USH2A: variants seen among roughly 807,000 people sequenced by gnomAD.
USH2A encodes the protein usherin.
A neutral mutation model predicts 538.9 loss-of-function variants in USH2A; 443 were observed. The observed-to-expected ratio is 0.82, with a 90% CI of 0.76 to 0.89. USH2A has a LOEUF of 0.89. Ranked by LOEUF, USH2A falls within the 40% of genes least tolerant of loss-of-function variation. The pLI, the probability that USH2A is intolerant of heterozygous loss-of-function variation, is 0.00. For synonymous variants in USH2A, 2,413 were observed against 2,273.5 expected, an observed-to-expected ratio of 1.06 and a Z score of -1.75; for missense variants, 6,633 against 6,324.8, an observed-to-expected ratio of 1.05 and a Z score of -1.65.
intron 64 of USH2A, among the ~76,000 whole-genome samples, chr1:215,663,944 T>G (rs534580520): frequency 6.6e-6 from 1 of 152,218 alleles, no homozygotes; most frequent in East Asian, 1.9e-4. Context: ...GGTGAAAGTG[T>G]GCAGAATGAA....
intron 15 of USH2A, among the ~76,000 whole-genome samples, chr1:216,211,312 T>G (rs1009860528): frequency 6.6e-6 from 1 of 152,172 alleles, no homozygotes; most frequent in Non-Finnish European, 1.5e-5. Flanking sequence ...TGATTGGTGT[T>G]AGAAGTTGGG....
At chr1:215,885,991 G>A (rs935579532) in intron 41 of USH2A, among the ~76,000 whole-genome samples, 12 of 152,156 alleles carry the variant, frequency 7.9e-5, no homozygotes, top group East Asian at 3.9e-4. Context: ...AAATGTAATC[G>A]CCATGAGCCT....
chr1:215,953,900 A>G (rs1305754611), intron 37 of USH2A, among the ~76,000 whole-genome samples: 7 of 152,284 alleles, frequency 4.6e-5, no homozygotes, highest in East Asian at 3.9e-4. Context: ...AAAAGTGGGC[A>G]AAGGATATGA....
chr1:215,971,804 A>G (rs1667500035), intron 35 of USH2A, among the ~76,000 whole-genome samples: 1 of 152,152 alleles, frequency 6.6e-6, no homozygotes, highest in African/African-American at 2.4e-5. Context: ...AAATAGGGTT[A>G]GTGGGTATTA....
intron 39 of USH2A, 134 bp from the exon 40 acceptor site, chr1:215,900,351 G>T (rs568841380): frequency 2.2e-4 from 215 of 981,828 alleles, no homozygotes; most frequent in Middle Eastern, 1.1e-3. Context: ...GCCATCAAAT[G>T]AGATCTCTTT....
intron 60 of USH2A, among the ~76,000 whole-genome samples, chr1:215,732,743 G>C (rs1366121308): frequency 6.6e-6 from 1 of 151,246 alleles, no homozygotes; most frequent in African/African-American, 2.4e-5. Flanking sequence ...GGGTTTCACT[G>C]TGTTAGCCAG....
chr1:215,937,481 C>A (rs1666533916), intron 37 of USH2A, among the ~76,000 whole-genome samples: 1 of 151,938 alleles, frequency 6.6e-6, no homozygotes, highest in South Asian at 2.1e-4. Context: ...AGAACATGCC[C>A]CAAGTACATA....
intron 20 of USH2A, among the ~76,000 whole-genome samples, chr1:216,177,334 G>A (rs2034407808): frequency 6.6e-6 from 1 of 152,014 alleles, no homozygotes; most frequent in Non-Finnish European, 1.5e-5. Flanking sequence ...TTTCATATGT[G>A]TATTTGCCAT....
intron 9 of USH2A, among the ~76,000 whole-genome samples, chr1:216,307,961 T>C (rs943009139): frequency 1.3e-5 from 2 of 152,180 alleles, no homozygotes; most frequent in African/African-American, 4.8e-5. Context: ...GCAATCTATT[T>C]CCTTCAAAGG....
chr1:215,978,543 A>G, intron 35 of USH2A, among the ~76,000 whole-genome samples: 1 of 152,216 alleles, frequency 6.6e-6, no homozygotes, highest in East Asian at 1.9e-4. Context: ...GGGAAGTAAG[A>G]ACAGAATAAG....
At chr1:216,041,520 C>G (rs2030273554) in intron 32 of USH2A, among the ~76,000 whole-genome samples, 1 of 152,078 alleles carries the variant, frequency 6.6e-6, no homozygotes, top group South Asian at 2.1e-4. Flanking sequence ...ATATGGAAAC[C>G]TAAAGGGAAA....
At chr1:216,406,511 T>C (rs1358397938) in intron 3 of USH2A, among the ~76,000 whole-genome samples, 1 of 152,174 alleles carries the variant, frequency 6.6e-6, no homozygotes, top group Admixed American at 6.5e-5. Flanking sequence ...AAAGTGGTTT[T>C]AAAAATATGC....
intron 9 of USH2A, among the ~76,000 whole-genome samples, chr1:216,304,694 G>A (rs2037280630): frequency 6.6e-6 from 1 of 151,850 alleles, no homozygotes; most frequent in African/African-American, 2.4e-5. Flanking sequence ...GTATCATGGA[G>A]GTTTTGATAG....
intron 49 of USH2A, among the ~76,000 whole-genome samples, chr1:215,810,555 A>T (rs192064576): frequency 3.9e-5 from 6 of 152,294 alleles, no homozygotes; most frequent in African/African-American, 1.4e-4. Flanking sequence ...TGGAAATGAA[A>T]ACACTATTAC....
chr1:215,780,165 G>T, intron 54 of USH2A, 124 bp from the exon 55 acceptor site: 1 of 1,084,094 alleles, frequency 9.2e-7, no homozygotes, highest in Non-Finnish European at 1.4e-6. Context: ...GGGGCTTGGA[G>T]AAGCATTTCC....
chr1:216,060,966 T>C lies in USH2A; in HGVS notation c.6049+9135A>G, dbSNP rs532972421. Among the ~76,000 whole-genome samples the C allele has an allele frequency of 2.6e-5, 4 of 152,280 alleles. No individual in the cohort carries two copies. In the East Asian group the frequency reaches 7.7e-4, roughly 29 times the overall value. On this transcript the variant is annotated intron_variant, in intron 30 of 71. Transcript: ENST00000307340. Reference sequence around the variant, plus strand: ...CTACCCAGAGTTAATTGGAGCCCTTTCAACAAATCTAAAGATACACAGGAG... The same window carrying C: ...CTACCCAGAGTTAATTGGAGCCCTTCCAACAAATCTAAAGATACACAGGAG...
At chr1:215,821,320 G>A (rs1293470007) in intron 47 of USH2A, among the ~76,000 whole-genome samples, 3 of 151,606 alleles carry the variant, frequency 2.0e-5, no homozygotes, top group African/African-American at 7.3e-5. Context: ...TTATGGTTTT[G>A]AGTTGCAATT....
At chr1:215,951,880 C>G (rs546517267) in intron 37 of USH2A, among the ~76,000 whole-genome samples, 1 of 147,730 alleles carries the variant, frequency 6.8e-6, no homozygotes, top group East Asian at 2.0e-4. Flanking sequence ...TTTTTTGAGA[C>G]GGAGTCTTGC....
In USH2A at chr1:216,089,139, C is replaced by T. The variant is rs566642953; in HGVS notation, c.4759G>A (p.Gly1587Arg). Residue 1587 changes from glycine (G) to arginine (R), a missense_variant and splice_region_variant, in exon 23 of 72, where the codon GGG (glycine) becomes AGG (arginine). Coordinates refer to ENST00000307340, the MANE Select transcript of USH2A (RefSeq NM_206933.4). ...GRLYFLFDPQ[G>R]SPVEVTTTND... ...GTTGTAGTTACTTCCACTGGTGACCCCTTAAGGGAATGAATGAATAAATAA... is the reference window on the plus strand; with the variant it reads ...GTTGTAGTTACTTCCACTGGTGACCTCTTAAGGGAATGAATGAATAAATAA... 1 of 1,612,074 alleles carries T rather than the reference C, an allele frequency of 6.2e-7. No individual in the cohort carries two copies. The highest frequency in any genetic ancestry group is 8.5e-7 in the Non-Finnish European group (1 of 1,178,652).
Sources: allele counts gnomAD v4.1 joint callset (sites outside exome capture counted in the v4.1 genomes callset), GRCh38; gene constraint gnomAD v4.1.1; transcripts MANE v1.5; gene names NCBI Gene and HGNC (gene_info 2026-07-23, HGNC 2026-07-21).